The following NPAT variants were observed in gnomAD, a reference collection of about 807,000 sequenced individuals.
NPAT encodes protein NPAT.
A neutral mutation model predicts 130.7 loss-of-function variants in NPAT; 52 were observed. That is an observed-to-expected ratio of 0.40 (90% confidence interval 0.32 to 0.50). The LOEUF is 0.50. NPAT is among the 20% of genes least tolerant of loss of function. The pLI, the probability that NPAT is intolerant of heterozygous loss-of-function variation, is 0.68. For missense variants in NPAT, 1,687 were observed against 1,662.6 expected (o/e 1.01, Z -0.26); for synonymous variants, 580 against 584.8 (o/e 0.99, Z 0.12).
intron 1 of NPAT, among the ~76,000 whole-genome samples, chr11:108,201,887 C>T (rs899872760): frequency 2.6e-5 from 4 of 152,148 alleles, no homozygotes; most frequent in East Asian, 1.9e-4. Context: ...CAAACCTATG[C>T]GGTCAGAGAG....
chr11:108,173,434 C>T lies in NPAT; in HGVS notation c.1550G>A (p.Cys517Tyr). 6.2e-7 allele frequency: 1 copy of T among 1,614,136 alleles called. No homozygotes were observed. Among genetic ancestry groups the T allele is most frequent in the African/African-American group, 1.3e-5 (1 of 75,056 alleles). Residue 517 changes from cysteine to tyrosine, a missense_variant, in exon 13 of 18, where the codon TGT becomes TAT. By Grantham distance (194) the Cys-to-Tyr change is radical (BLOSUM62 -2). Transcript: ENST00000278612. ...IPITSFVSLG[C>Y]EANNENLILS... ...AATTAAGTTTTCATTGTTAGCTTCA[C>T]AACCAAGTGAAACAAATGAAGTTAT... is the stretch of plus-strand genomic sequence containing the variant.
At chr11:108,174,564 TAAAA>T (rs561166671) in intron 12 of NPAT, among the ~76,000 whole-genome samples, 5 of 103,984 alleles carry the variant, frequency 4.8e-5, no homozygotes, top group South Asian at 3.0e-4. Flanking sequence ...GAGAAGATCT[TAAAA>T]AAAAAAAAAA....
chr11:108,189,367 T>A, intron 5 of NPAT, 37 bp from the exon 6 acceptor site: 1 of 1,592,822 alleles, frequency 6.3e-7, no homozygotes, highest in Non-Finnish European at 8.6e-7. Flanking sequence ...AAATTCAACG[T>A]CAGGGTAGTT....
Position 108,173,143 on chromosome 11 carries a change from T to C in NPAT, c.1841A>G (p.His614Arg). The C allele has an allele frequency of 6.2e-7, 1 of 1,613,970 alleles. No homozygotes were observed. The stretch of plus-strand genomic sequence containing the variant: ...TTCTACTTGTCCAGATACATTTAAA[T>C]GTGAACTTTCAACAGACACAGGTAG... ...EILPVSVESS[H>R]LNVSGQVEIH... is the part of the protein sequence containing the mutation. The change falls in exon 13 of 18, where the codon CAT (histidine) becomes CGT (arginine). Residue 614 changes from histidine (H) to arginine (R), a missense_variant. This residue lies in a region of NPAT where 1,379 missense variants were observed against 1,346.6 expected (regional missense o/e 1.02). Coordinates refer to ENST00000278612, the MANE Select transcript of NPAT (RefSeq NM_002519.3).
chr11:108,200,059 T>C (rs760539454), intron 1 of NPAT, among the ~76,000 whole-genome samples: 8 of 152,236 alleles, frequency 5.3e-5, no homozygotes, highest in Non-Finnish European at 5.9e-5. Context: ...AAGGATGCAA[T>C]GACTGAGAGT....
intron 15 of NPAT, among the ~76,000 whole-genome samples, chr11:108,162,558 G>T (rs1448901539): frequency 6.6e-6 from 1 of 152,102 alleles, no homozygotes; most frequent in Non-Finnish European, 1.5e-5. Context: ...AGCCTCCCGA[G>T]TAGCTGGGAT....
chr11:108,172,349 C>G lies in NPAT; in HGVS notation c.2635G>C (p.Gly879Arg), dbSNP rs749815110. 2.5e-6 allele frequency: 4 copies of G among 1,614,080 alleles called. No individual in the cohort carries two copies. The highest frequency in any genetic ancestry group is 1.7e-6 in the Non-Finnish European group (2 of 1,180,048). ...ATCVTDPTAL[G>R]TSVSQSNVVV... ...ACATTAGACTGACTTACAGATGTTC[C>G]TAACGCTGTTGGATCAGTCACACAG... The change falls in exon 13 of 18, where the codon GGA becomes CGA. Residue 879 changes from glycine to arginine, a missense_variant. Transcript: ENST00000278612.
In NPAT at chr11:108,212,960, A is replaced by AG. The variant is rs2078398574; in HGVS notation, c.37+9539_37+9540insC. On this transcript the variant is annotated intron_variant, in intron 1 of 17. Transcript: ENST00000278612. ...GACTCTGTCTCAAAAAAAAAAAAAA[A>AG]AAAAAAAAAAAAGGAGTTAAGAAAC... 2.7e-5 allele frequency among the ~76,000 whole-genome samples: 4 copies of AG among 149,698 alleles called. 1 individual carries two copies. In the South Asian group the frequency reaches 8.4e-4, roughly 31 times the overall value.
At chr11:108,182,537 G>A (rs941692186) in intron 10 of NPAT, among the ~76,000 whole-genome samples, 1 of 152,188 alleles carries the variant, frequency 6.6e-6, no homozygotes, top group African/African-American at 2.4e-5. Flanking sequence ...TCACTCTGTC[G>A]CCTACGCTGG....
At position 108,196,893 on chromosome 11, in the gene NPAT, A is replaced by G. The variant is rs531116026; in HGVS notation, c.156+409T>C. On this transcript the variant is annotated intron_variant, in intron 2 of 17. Transcript: ENST00000278612. ...CCATGTGAAATGATGTAGTTCTGGA[A>G]GGTATCCACTATGTACCAAATGATG... is the stretch of plus-strand genomic sequence containing the variant. Among the ~76,000 whole-genome samples, 4 of 152,346 alleles carry G rather than the reference A, an allele frequency of 2.6e-5. No individual in the cohort carries two copies. In the East Asian group the frequency reaches 7.7e-4, roughly 29 times the overall value.
chr11:108,190,570 C>A (rs926460561), intron 4 of NPAT, 70 bp from the exon 5 acceptor site: 6 of 1,361,170 alleles, frequency 4.4e-6, no homozygotes, highest in Non-Finnish European at 6.3e-6. Flanking sequence ...GATTTAGTTA[C>A]AGTCAGACCT....
intron 1 of NPAT, among the ~76,000 whole-genome samples, chr11:108,206,661 C>T (rs1342506423): frequency 1.3e-5 from 2 of 152,184 alleles, no homozygotes; most frequent in African/African-American, 2.4e-5. Context: ...GCTCTTCTTT[C>T]CTTCTCATTG....
chr11:108,161,364 A>T lies in NPAT; in HGVS notation c.3722T>A (p.Leu1241Ter). 6.2e-7 allele frequency: 1 copy of T among 1,614,184 alleles called. No homozygotes were observed. The highest frequency in any genetic ancestry group is 8.5e-7 in the Non-Finnish European group (1 of 1,180,028). ...ATCCTGTAACATTTCTGTGGTAATC[A>T]AAGAACTGGCGGATTTAGTTTGTTC... ...KQEQTKSASSLITTEMLQDIQ... is the reference protein window; with the variant it reads ...KQEQTKSASS The change falls in exon 17 of 18, where the codon TTG becomes TAG. Residue 1241 changes from leucine (L) to a stop codon, truncating the protein, a stop_gained. Transcript: ENST00000278612. LOFTEE classifies it high-confidence loss of function.
intron 1 of NPAT, among the ~76,000 whole-genome samples, chr11:108,204,440 T>A (rs1443074846): frequency 6.6e-6 from 1 of 152,200 alleles, no homozygotes; most frequent in African/African-American, 2.4e-5. Context: ...GGGTACCCTC[T>A]CATGTTGAGA....
At chr11:108,176,617 T>C (rs1397802171) in intron 11 of NPAT, among the ~76,000 whole-genome samples, 1 of 152,200 alleles carries the variant, frequency 6.6e-6, no homozygotes, top group Non-Finnish European at 1.5e-5. Context: ...CTGAGATTGT[T>C]GGTTTGGGGG....
intron 1 of NPAT, among the ~76,000 whole-genome samples, chr11:108,204,615 G>A (rs191530972): frequency 5.9e-5 from 9 of 152,356 alleles, no homozygotes; most frequent in African/African-American, 2.2e-4. Flanking sequence ...TAGCCCTCCT[G>A]CCTTCTGCCA....
chr11:108,201,699 G>C (rs946215388), intron 1 of NPAT, among the ~76,000 whole-genome samples: 1 of 152,212 alleles, frequency 6.6e-6, no homozygotes, highest in African/African-American at 2.4e-5. Flanking sequence ...TCCACATAAT[G>C]TGGCAGGACT....
intron 1 of NPAT, among the ~76,000 whole-genome samples, chr11:108,220,279 A>C (rs2078470945): frequency 6.6e-6 from 1 of 152,234 alleles, no homozygotes. Flanking sequence ...GAAGGATAAA[A>C]GGTAGGTGAA....
chr11:108,203,205 AAT>A lies in NPAT; in HGVS notation c.38-5787_38-5786del, dbSNP rs2078291001. 2.0e-5 allele frequency among the ~76,000 whole-genome samples: 3 copies of A among 152,174 alleles called. No individual in the cohort carries two copies. In the South Asian group the frequency reaches 6.2e-4, roughly 32 times the overall value. On this transcript the variant is annotated intron_variant, in intron 1 of 17. Coordinates refer to ENST00000278612, the MANE Select transcript of NPAT (RefSeq NM_002519.3). The stretch of plus-strand genomic sequence containing the variant: ...GATGTACAGACGACCTTTTCTCACC[AAT>A]GATTTCTTGCTAGACCAAGAAACCT...
Sources: gnomAD v4.1 joint callset for allele counts (sites outside exome capture counted in the v4.1 genomes callset) on GRCh38, gnomAD v4.1.1 for gene constraint, gnomAD v4.1.1 regional missense constraint, MANE v1.5 for transcripts, NCBI Gene and HGNC (gene_info 2026-07-23, HGNC 2026-07-21) for gene names.